THSD7B: variants seen among roughly 807,000 people sequenced by gnomAD.
THSD7B encodes thrombospondin type-1 domain-containing protein 7B.
A neutral mutation model predicts 213.6 loss-of-function variants in THSD7B; 138 were observed. That is an observed-to-expected ratio of 0.65 (90% CI 0.56 to 0.74). The LOEUF (loss-of-function observed/expected upper bound fraction) is 0.74, where lower values mean the gene tolerates loss of function less well. Among genes scored for constraint, THSD7B ranks in the 30% least tolerant of loss-of-function variants. The pLI, the probability that THSD7B is intolerant of heterozygous loss-of-function variation, is 0.00. For missense variants in THSD7B, 1,931 were observed against 1,991.5 expected (o/e 0.97, Z 0.58); for synonymous variants, 742 against 687.0 (o/e 1.08, Z -1.25).
At chr2:136,959,316 C>G (rs1486873151) in intron 2 of THSD7B, among the ~76,000 whole-genome samples, 1 of 152,164 alleles carries the variant, frequency 6.6e-6, no homozygotes, top group East Asian at 1.9e-4. Context: ...GATAAGCTGT[C>G]CCTCTCTTCT....
intron 2 of THSD7B, among the ~76,000 whole-genome samples, chr2:136,911,962 G>T (rs1444473726): frequency 6.6e-6 from 1 of 152,170 alleles, no homozygotes; most frequent in Admixed American, 6.5e-5. Context: ...TAGCAGGTCT[G>T]TGCATTACTG....
intron 2 of THSD7B, among the ~76,000 whole-genome samples, chr2:137,022,974 C>T (rs1423815581): frequency 1.3e-5 from 2 of 152,136 alleles, no homozygotes; most frequent in Non-Finnish European, 2.9e-5. Flanking sequence ...GCCCAAGGTT[C>T]ATAGTTTGCC....
intron 2 of THSD7B, among the ~76,000 whole-genome samples, chr2:137,054,033 A>G (rs1414281052): frequency 6.6e-6 from 1 of 152,192 alleles, no homozygotes; most frequent in African/African-American, 2.4e-5. Flanking sequence ...ACTTCTCTAG[A>G]ACATTAGGAC....
chr2:137,012,455 C>T (rs1686249252), intron 2 of THSD7B, among the ~76,000 whole-genome samples: 1 of 152,154 alleles, frequency 6.6e-6, no homozygotes, highest in African/African-American at 2.4e-5. Context: ...CATCTAATCA[C>T]GTAAATCCAA....
chr2:137,495,486 C>G (rs1024602746), intron 15 of THSD7B, among the ~76,000 whole-genome samples: 1 of 152,080 alleles, frequency 6.6e-6, no homozygotes, highest in South Asian at 2.1e-4. Flanking sequence ...CTCAGTCTTA[C>G]GGAAGTGTTC....
At chr2:137,450,150 A>G (rs982999296) in intron 14 of THSD7B, among the ~76,000 whole-genome samples, 4 of 152,274 alleles carry the variant, frequency 2.6e-5, no homozygotes, top group African/African-American at 9.6e-5. Context: ...TTAGAAGTAT[A>G]TATTTGGTAG....
intron 1 of THSD7B, among the ~76,000 whole-genome samples, chr2:136,860,393 G>C (rs1683241510): frequency 6.6e-6 from 1 of 152,080 alleles, no homozygotes; most frequent in Admixed American, 6.5e-5. Flanking sequence ...CTCCAGGCTT[G>C]TGTACAGTTT....
intron 12 of THSD7B, among the ~76,000 whole-genome samples, chr2:137,298,071 T>C (rs527990452): frequency 2.0e-5 from 3 of 152,262 alleles, no homozygotes; most frequent in Admixed American, 2.0e-4. Flanking sequence ...TGGGAAAGTT[T>C]GGAACCTCCT....
chr2:137,607,432 T>G (rs1682203700), intron 17 of THSD7B, among the ~76,000 whole-genome samples: 1 of 152,194 alleles, frequency 6.6e-6, no homozygotes, highest in Non-Finnish European at 1.5e-5. Context: ...TAATATGTAA[T>G]CCTAAATACA....
chr2:137,159,214 T>A (rs1679964489), intron 5 of THSD7B, among the ~76,000 whole-genome samples: 3 of 152,074 alleles, frequency 2.0e-5, no homozygotes, highest in Admixed American at 2.0e-4. Context: ...GGCAGATTGC[T>A]TGAGCCCAGG....
intron 6 of THSD7B, among the ~76,000 whole-genome samples, chr2:137,161,219 G>A (rs1394332460): frequency 6.6e-6 from 1 of 152,004 alleles, no homozygotes; most frequent in African/African-American, 2.4e-5. Flanking sequence ...ATCTTCAAAA[G>A]TTTACTCCTA....
intron 5 of THSD7B, among the ~76,000 whole-genome samples, chr2:137,138,778 T>A (rs1247652130): frequency 2.6e-5 from 4 of 152,322 alleles, no homozygotes; most frequent in African/African-American, 9.6e-5. Flanking sequence ...CCACTGTATC[T>A]GAAAGTTTTG....
At chr2:136,976,907 C>T (rs1193521823) in intron 2 of THSD7B, among the ~76,000 whole-genome samples, 1 of 152,184 alleles carries the variant, frequency 6.6e-6, no homozygotes. Flanking sequence ...AGGCGTGAGC[C>T]ACCGCGCCTG....
intron 2 of THSD7B, among the ~76,000 whole-genome samples, chr2:136,927,480 GA>G (rs1684558932): frequency 6.6e-6 from 1 of 152,172 alleles, no homozygotes. Flanking sequence ...TTGACATTTA[GA>G]TAATGTTGTG....
chr2:136,964,024 C>G (rs969537792), intron 2 of THSD7B, among the ~76,000 whole-genome samples: 1 of 151,990 alleles, frequency 6.6e-6, no homozygotes, highest in Non-Finnish European at 1.5e-5. Flanking sequence ...TAGTTTGCAC[C>G]CTTGCAACTG....
chr2:136,967,017 T>C (rs374109836), intron 2 of THSD7B, among the ~76,000 whole-genome samples: 27 of 152,202 alleles, frequency 1.8e-4, no homozygotes, highest in East Asian at 7.7e-4. Flanking sequence ...CATTTTGATA[T>C]GCCGTGTATC....
At chr2:137,445,504 A>G (rs1385165399) in intron 14 of THSD7B, among the ~76,000 whole-genome samples, 1 of 151,996 alleles carries the variant, frequency 6.6e-6, no homozygotes, top group East Asian at 1.9e-4. Flanking sequence ...AATAAGCCAG[A>G]CACAGAAAGA....
At chr2:137,241,091 A>G (rs1292623421) in intron 9 of THSD7B, among the ~76,000 whole-genome samples, 1 of 152,128 alleles carries the variant, frequency 6.6e-6, no homozygotes, top group Non-Finnish European at 1.5e-5. Context: ...TTATTTCAAC[A>G]TCTCAGCTTA....
intron 13 of THSD7B, among the ~76,000 whole-genome samples, chr2:137,407,273 T>G (rs926861596): frequency 5.3e-5 from 8 of 152,090 alleles, no homozygotes; most frequent in African/African-American, 1.9e-4. Context: ...TAGCTGTACA[T>G]TTTTTTCTGC....
Sources: gnomAD v4.1 joint callset for allele counts (sites outside exome capture counted in the v4.1 genomes callset) on GRCh38, gnomAD v4.1.1 for gene constraint, MANE v1.5 for transcripts, NCBI Gene and HGNC (gene_info 2026-07-23, HGNC 2026-07-21) for gene names.